The following RCAN1 variants were observed in gnomAD, a reference collection of about 807,000 sequenced individuals.
RCAN1 encodes the protein calcipressin-1.
Under a neutral mutation model 22.9 loss-of-function variants are expected in RCAN1, and 11 were observed. The observed-to-expected ratio is 0.48, with a 90% confidence interval of 0.30 to 0.79. The LOEUF (loss-of-function observed/expected upper bound fraction) is 0.79, where lower values mean the gene tolerates loss of function less well. RCAN1 is among the 30% of genes least tolerant of loss of function. The probability of loss-of-function intolerance (pLI) is 0.06; values close to 1 mark genes in which losing one functional copy is unlikely to be tolerated. For synonymous variants in RCAN1, 136 were observed against 142.3 expected, an observed-to-expected ratio of 0.96 and a Z score of 0.32; for missense variants, 291 against 337.8, an observed-to-expected ratio of 0.86 and a Z score of 1.09.
At chr21:34,602,862 T>C (rs1187849673) in intron 1 of RCAN1, among the ~76,000 whole-genome samples, 1 of 152,172 alleles carries the variant, frequency 6.6e-6, no homozygotes, top group Non-Finnish European at 1.5e-5. Flanking sequence ...CATATTCTTT[T>C]CATAATAATG....
chr21:34,596,480 G>C (rs1245230384), intron 1 of RCAN1, among the ~76,000 whole-genome samples: 1 of 152,270 alleles, frequency 6.6e-6, no homozygotes, highest in East Asian at 1.9e-4. Flanking sequence ...GCATGACCGA[G>C]AAAGCCTCCT....
intron 1 of RCAN1, among the ~76,000 whole-genome samples, chr21:34,588,817 T>TCC (rs1036904953): frequency 2.4e-4 from 37 of 151,964 alleles, no homozygotes; most frequent in African/African-American, 8.4e-4. Flanking sequence ...CAAAATGTAG[T>TCC]CCATCCATAC....
At position 34,580,711 on chromosome 21, in the gene RCAN1, G is replaced by A. The variant is rs150610165; in HGVS notation, c.252+34049C>T. 4.4e-3 allele frequency among the ~76,000 whole-genome samples: 666 copies of A among 152,314 alleles called. 3 individuals carry two copies. Among genetic ancestry groups the A allele is most frequent in the African/African-American group, 0.015 (629 of 41,568 alleles). On this transcript the variant is annotated intron_variant, in intron 1 of 3. Transcript: ENST00000313806. ...TTTCTCTACAGTTCCTCACCTTTGT[G>A]CATGGCTCACCATGATCTCCGCCCC...
At chr21:34,582,732 C>T (rs1987658800) in intron 1 of RCAN1, among the ~76,000 whole-genome samples, 1 of 152,176 alleles carries the variant, frequency 6.6e-6, no homozygotes, top group Admixed American at 6.5e-5. Context: ...TTCAAAACAC[C>T]ACTGGCTGCT....
chr21:34,549,441 T>C (rs550414172), intron 1 of RCAN1, among the ~76,000 whole-genome samples: 1 of 152,198 alleles, frequency 6.6e-6, no homozygotes, highest in Non-Finnish European at 1.5e-5. Context: ...AGTTTGAAAA[T>C]GCATCTACCA....
intron 1 of RCAN1, among the ~76,000 whole-genome samples, chr21:34,577,757 C>T (rs973367195): frequency 6.6e-5 from 10 of 152,084 alleles, no homozygotes; most frequent in Non-Finnish European, 1.5e-4. Context: ...ATCCTGAGCA[C>T]GGGAGAGTGG....
intron 1 of RCAN1, among the ~76,000 whole-genome samples, chr21:34,557,267 A>G (rs1048131613): frequency 1.3e-5 from 2 of 152,238 alleles, no homozygotes; most frequent in Admixed American, 1.3e-4. Flanking sequence ...ACCACACCAG[A>G]GCCCCTGGTA....
intron 1 of RCAN1, among the ~76,000 whole-genome samples, chr21:34,568,218 C>T (rs931519317): frequency 7.9e-5 from 12 of 152,166 alleles, no homozygotes; most frequent in African/African-American, 2.7e-4. Flanking sequence ...CCTCATCAGC[C>T]CCTACAATCG....
At chr21:34,539,821 A>C (rs1360921925) in intron 1 of RCAN1, among the ~76,000 whole-genome samples, 3 of 152,240 alleles carry the variant, frequency 2.0e-5, no homozygotes, top group Non-Finnish European at 4.4e-5. Flanking sequence ...TCATACCTAG[A>C]AACAGGGATT....
At chr21:34,541,925 C>T (rs1767979180) in intron 1 of RCAN1, among the ~76,000 whole-genome samples, 1 of 152,148 alleles carries the variant, frequency 6.6e-6, no homozygotes, top group African/African-American at 2.4e-5. Flanking sequence ...CAGAGTGAGA[C>T]TCCATCTCAA....
rs1243232323 is a variant in RCAN1, at chr21:34,518,613, C to T, written c.587-357G>A. On this transcript the variant is annotated intron_variant, in intron 3 of 3. Coordinates refer to ENST00000313806, the MANE Select transcript of RCAN1 (RefSeq NM_004414.7). The surrounding 1 kb of genome is among the most constrained non-coding windows in gnomAD (Gnocchi z 4.2). ...CCTCAAGTGTGAATGTGAGAAACTT[C>T]GGTTCAGGAAAAAGATGGATGAAGA... Among the ~76,000 whole-genome samples the T allele has an allele frequency of 1.3e-5, 2 of 152,212 alleles. No individual in the cohort carries two copies. The highest frequency in any genetic ancestry group is 2.1e-4 in the South Asian group (1 of 4,836).
chr21:34,523,262 C>A, intron 2 of RCAN1: 1 of 402,736 alleles, frequency 2.5e-6, no homozygotes, highest in Non-Finnish European at 4.6e-6. Flanking sequence ...CCCCGCTGCA[C>A]CCTGCAAGCT....
At chr21:34,583,014 T>C (rs1428999418) in intron 1 of RCAN1, among the ~76,000 whole-genome samples, 1 of 152,116 alleles carries the variant, frequency 6.6e-6, no homozygotes, top group African/African-American at 2.4e-5. Flanking sequence ...CAGTGTTGGC[T>C]AATAAATTCC....
At chr21:34,549,834 C>T (rs1986297889) in intron 1 of RCAN1, among the ~76,000 whole-genome samples, 4 of 152,154 alleles carry the variant, frequency 2.6e-5, no homozygotes, top group South Asian at 4.1e-4. Flanking sequence ...CCACCGAACA[C>T]CTACAGGCAC....
At chr21:34,585,742 C>CAAA (rs59014706) in intron 1 of RCAN1, among the ~76,000 whole-genome samples, 241 of 45,314 alleles carry the variant, frequency 5.3e-3, no homozygotes, top group Non-Finnish European at 6.0e-3. Flanking sequence ...GACTCCATCT[C>CAAA]AAAAAAAAAA....
chr21:34,558,004 A>G (rs1455421428), intron 1 of RCAN1, among the ~76,000 whole-genome samples: 2 of 152,228 alleles, frequency 1.3e-5, no homozygotes, highest in Non-Finnish European at 2.9e-5. Flanking sequence ...ATGAAATTGT[A>G]CCCAGCCTAA....
In RCAN1 at chr21:34,516,821, A is replaced by C. The variant is rs1221537379; in HGVS notation, c.*1263T>G. On this transcript the variant is annotated 3_prime_UTR_variant, in exon 4 of 4. Transcript: ENST00000313806. ...TTACGGTATTGTAAGGCCAAAATATAATACCTATTTACCAGACATACACAT... is the reference window on the plus strand; with the variant it reads ...TTACGGTATTGTAAGGCCAAAATATCATACCTATTTACCAGACATACACAT... 1 of 152,556 alleles carries C rather than the reference A, an allele frequency of 6.6e-6. No individual in the cohort carries two copies. Among genetic ancestry groups the C allele is most frequent in the Non-Finnish European group, 1.5e-5 (1 of 68,052 alleles). 9.5% of individuals were successfully genotyped at this position (152,556 alleles called of 1,614,324 possible).
intron 1 of RCAN1, among the ~76,000 whole-genome samples, chr21:34,603,038 T>C (rs1988403819): frequency 1.3e-5 from 2 of 152,128 alleles, no homozygotes; most frequent in African/African-American, 4.8e-5. Flanking sequence ...CAGTTTCTGC[T>C]GGAGGGAGAG....
At chr21:34,578,636 G>A (rs1255147075) in intron 1 of RCAN1, among the ~76,000 whole-genome samples, 1 of 152,190 alleles carries the variant, frequency 6.6e-6, no homozygotes, top group African/African-American at 2.4e-5. Flanking sequence ...GACCTGCCCA[G>A]GGAGGAAGAG....
Sources: gnomAD v4.1 joint callset for allele counts (sites outside exome capture counted in the v4.1 genomes callset) on GRCh38, gnomAD v4.1.1 for gene constraint, Gnocchi (gnomAD v3.1) non-coding constraint, MANE v1.5 for transcripts, NCBI Gene and HGNC (gene_info 2026-07-23, HGNC 2026-07-21) for gene names.